The following KIF2C variants were observed in gnomAD, a reference collection of about 807,000 sequenced individuals.
KIF2C encodes the protein kinesin-like protein KIF2C.
KIF2C carries 34 observed loss-of-function variants against 97.4 expected under a neutral mutation model. The ratio of observed to expected loss-of-function variants is 0.35; its 90% CI spans 0.27 to 0.46. The LOEUF is 0.46. KIF2C is among the 20% of genes least tolerant of loss of function. The pLI is 1.00. For synonymous variants in KIF2C, 313 were observed against 318.2 expected, an observed-to-expected ratio of 0.98 and a Z score of 0.17; for missense variants, 750 against 907.6, an observed-to-expected ratio of 0.83 and a Z score of 2.23.
At chr1:44,743,155 G>A (rs778439087) in intron 2 of KIF2C, among the ~76,000 whole-genome samples, 1 of 152,186 alleles carries the variant, frequency 6.6e-6, no homozygotes, top group Non-Finnish European at 1.5e-5. Context: ...GTAGGCAGTG[G>A]GGAACCTTGG....
rs1650063297 is a variant in KIF2C, at chr1:44,760,228, G to C, written c.1368-52G>C. 6.5e-7 allele frequency: 1 copy of C among 1,542,898 alleles called. No individual in the cohort carries two copies. The highest frequency in any genetic ancestry group is 1.7e-5 in the Admixed American group (1 of 59,442). On this transcript the variant is annotated intron_variant, in intron 14 of 20. Transcript: ENST00000372224. This position sits in a 1 kb window ranked among gnomAD's most constrained non-coding sequence, Gnocchi z 4.2. ...TTCCTAGAGAACTTCTGTGGACTTGGGTGCCATGGGGGCTGGTGACCACAG... is the reference window on the plus strand; with the variant it reads ...TTCCTAGAGAACTTCTGTGGACTTGCGTGCCATGGGGGCTGGTGACCACAG...
chr1:44,740,907 T>TA lies in KIF2C; in HGVS notation c.71-6_71-5insA. On this transcript the variant is annotated splice_polypyrimidine_tract_variant and splice_region_variant and intron_variant, in intron 1 of 20. Coordinates refer to ENST00000372224, the MANE Select transcript of KIF2C (RefSeq NM_006845.4). Reference sequence around the variant, plus strand: ...TGGGTAACTCTGGTTTTTTCATACTTTATAGGTTTAATTCACAGTGCCAAT... The same window carrying TA: ...TGGGTAACTCTGGTTTTTTCATACTTATATAGGTTTAATTCACAGTGCCAAT... 6.2e-7 allele frequency: 1 copy of TA among 1,606,336 alleles called. No individual in the cohort carries two copies. Among genetic ancestry groups the TA allele is most frequent in the Non-Finnish European group, 8.5e-7 (1 of 1,174,222 alleles).
intron 6 of KIF2C, 147 bp downstream of exon 6, chr1:44,753,401 T>G (rs1649633960): frequency 4.3e-6 from 4 of 926,958 alleles, no homozygotes; most frequent in East Asian, 5.5e-5. Context: ...GGAATCAGTC[T>G]TTCATTATCA....
Position 44,758,109 on chromosome 1 carries a change from A to G in KIF2C, c.1193A>G (p.Tyr398Cys), listed in dbSNP as rs780594776. Residue 398 changes from tyrosine to cysteine, a missense_variant, in exon 13 of 21, where the codon TAT (tyrosine) becomes TGT (cysteine). Coordinates refer to ENST00000372224, the MANE Select transcript of KIF2C (RefSeq NM_006845.4). ...TACCGGAAGTTGGGCCTGGAAGTCT[A>G]TGTGACATTCTTCGAGATCTACAAT... ...PCYRKLGLEV[Y>C]VTFFEIYNGK... is the part of the protein sequence containing the mutation. 3 of 1,613,760 alleles carry G rather than the reference A, an allele frequency of 1.9e-6. No individual in the cohort carries two copies. The highest frequency in any genetic ancestry group is 2.5e-6 in the Non-Finnish European group (3 of 1,179,932).
At chr1:44,750,869 G>A (rs1031367210) in intron 5 of KIF2C, among the ~76,000 whole-genome samples, 3 of 151,268 alleles carry the variant, frequency 2.0e-5, no homozygotes, top group African/African-American at 7.3e-5. Flanking sequence ...ACTTCAAATC[G>A]CCTGAGTTCA....
intron 2 of KIF2C, among the ~76,000 whole-genome samples, chr1:44,746,220 TA>T (rs1177600398): frequency 6.6e-6 from 1 of 152,182 alleles, no homozygotes; most frequent in Non-Finnish European, 1.5e-5. Context: ...CACCCTAGAG[TA>T]CATGCTTCAG....
rs774702429 is a variant in KIF2C, at chr1:44,760,476, G to C, written c.1564G>C (p.Ala522Pro). 2 of 1,614,016 alleles carry C rather than the reference G, an allele frequency of 1.2e-6. No homozygotes were observed. The highest frequency in any genetic ancestry group is 3.3e-5 in the Admixed American group (2 of 59,982). ...CGCAGAAATCAACAAGAGTCTCTTA[G>C]CCCTGAAGGTAGTGGGGCAGCTAGA... ...EGAEINKSLL[A>P]LKECIRALGQ... Residue 522 changes from alanine to proline, a missense_variant, in exon 15 of 21, where the codon GCC (alanine) becomes CCC (proline). Physicochemically the swap from Ala to Pro is conservative, Grantham distance 27 (BLOSUM62 -1). Transcript: ENST00000372224. The surrounding 1 kb of genome is among the most constrained non-coding windows in gnomAD (Gnocchi z 4.2).
chr1:44,759,216 T>G lies in KIF2C; in HGVS notation c.1235T>G (p.Leu412Arg). The G allele has an allele frequency of 6.2e-7, 1 of 1,614,082 alleles. No homozygotes were observed. The highest frequency in any genetic ancestry group is 8.5e-7 in the Non-Finnish European group (1 of 1,179,996). Residue 412 changes from leucine (L) to arginine (R), a missense_variant, in exon 14 of 21, where the codon CTG becomes CGG. Leu to Arg is a moderately radical substitution (Grantham distance 102, BLOSUM62 -2). Coordinates refer to ENST00000372224, the MANE Select transcript of KIF2C (RefSeq NM_006845.4). ...FEIYNGKLFD[L>R]LNKKAKLRVL... ...CCCTGCCTGGCACAGCTGTTTGACC[T>G]GCTCAACAAGAAGGCCAAGCTGCGC...
At position 44,757,978 on chromosome 1, in the gene KIF2C, A is replaced by G; in HGVS notation, c.1132+7A>G. The G allele has an allele frequency of 6.2e-7, 1 of 1,614,120 alleles. No homozygotes were observed. Among genetic ancestry groups the G allele is most frequent in the South Asian group, 1.1e-5 (1 of 91,080 alleles). ...GGGATCTATGCCATGGCCTGTAAGT[A>G]CTGTGTACTGCTGCTTCAGGGTTGG... On this transcript the variant is annotated splice_region_variant and intron_variant, in intron 12 of 20. Transcript: ENST00000372224.
intron 6 of KIF2C, among the ~76,000 whole-genome samples, chr1:44,753,503 T>C (rs1411439984): frequency 6.6e-6 from 1 of 152,228 alleles, no homozygotes; most frequent in Non-Finnish European, 1.5e-5. Context: ...AGTGCAGTTA[T>C]CACTATTTGA....
rs1414880877 is a variant in KIF2C, at chr1:44,760,352, T to C, written c.1440T>C (p.Ala480=). 1 of 1,614,090 alleles carries C rather than the reference T, an allele frequency of 6.2e-7. No individual in the cohort carries two copies. The highest frequency in any genetic ancestry group is 8.5e-7 in the Non-Finnish European group (1 of 1,180,062). The change falls in exon 15 of 21, where the codon GCT becomes GCC. Residue 480 remains alanine (A), a synonymous_variant. Coordinates refer to ENST00000372224, the MANE Select transcript of KIF2C (RefSeq NM_006845.4). The surrounding 1 kb of genome is among the most constrained non-coding windows in gnomAD (Gnocchi z 4.2). ...SHACFQIILR[A]KGRMHGKFSL... Reference sequence around the variant, plus strand: ...CGTGCTTCCAAATTATTCTTCGAGCTAAAGGGAGAATGCATGGCAAGTTCT... The same window carrying C: ...CGTGCTTCCAAATTATTCTTCGAGCCAAAGGGAGAATGCATGGCAAGTTCT...
chr1:44,746,858 T>C, intron 2 of KIF2C: 2 of 1,173,832 alleles, frequency 1.7e-6, no homozygotes, highest in Non-Finnish European at 2.4e-6. Context: ...CCCCTGTCTA[T>C]AGAAATTTAA....
intron 2 of KIF2C, among the ~76,000 whole-genome samples, chr1:44,743,435 A>G (rs192673832): frequency 1.1e-3 from 166 of 152,296 alleles, no homozygotes; most frequent in Non-Finnish European, 2.0e-3. Context: ...CTAGACACTT[A>G]TTGGGTGCTA....
At chr1:44,746,784 A>G (rs775605521) in intron 2 of KIF2C, 4 of 1,599,058 alleles carry the variant, frequency 2.5e-6, no homozygotes, top group South Asian at 2.2e-5. Flanking sequence ...AGGAGTAACT[A>G]TTTGTTTTAT....
chr1:44,756,339 C>A, intron 10 of KIF2C, 102 bp downstream of exon 10: 2 of 1,192,722 alleles, frequency 1.7e-6, no homozygotes, highest in Non-Finnish European at 2.4e-6. Context: ...AATTCTGAGG[C>A]TCTTCCTCGC....
chr1:44,759,390 T>C, intron 14 of KIF2C, 42 bp downstream of exon 14: 1 of 1,610,320 alleles, frequency 6.2e-7, no homozygotes, highest in Non-Finnish European at 8.5e-7. Flanking sequence ...TTCTCATGTC[T>C]GGTTTATGAG....
intron 2 of KIF2C, among the ~76,000 whole-genome samples, chr1:44,743,909 G>T (rs879534290): frequency 4.6e-5 from 7 of 152,202 alleles, no homozygotes; most frequent in Admixed American, 3.3e-4. Context: ...TGCCCCTAAA[G>T]AATTAAGAGG....
At chr1:44,755,289 A>G (rs1649761934) in intron 8 of KIF2C, among the ~76,000 whole-genome samples, 1 of 144,350 alleles carries the variant, frequency 6.9e-6, no homozygotes, top group African/African-American at 2.6e-5. Context: ...TTTTTGAGAC[A>G]GAGTCTCGCT....
chr1:44,766,440 C>T (rs1377136916), intron 19 of KIF2C, among the ~76,000 whole-genome samples: 2 of 151,618 alleles, frequency 1.3e-5, no homozygotes, highest in African/African-American at 2.4e-5. Flanking sequence ...GGAGAAACCC[C>T]GTCTCTACTA....
Sources: allele counts gnomAD v4.1 joint callset (sites outside exome capture counted in the v4.1 genomes callset), GRCh38; gene constraint gnomAD v4.1.1; non-coding constraint Gnocchi (gnomAD v3.1); transcripts MANE v1.5; gene names NCBI Gene and HGNC (gene_info 2026-07-23, HGNC 2026-07-21).